SELENOI: variants seen among roughly 807,000 people sequenced by gnomAD.
SELENOI encodes the protein selenoprotein I.
SELENOI carries 24 observed loss-of-function variants against 50.7 expected under a neutral mutation model. The ratio of observed to expected loss-of-function variants is 0.47; its 90% CI spans 0.34 to 0.67. The LOEUF (loss-of-function observed/expected upper bound fraction) is 0.67, where lower values mean the gene tolerates loss of function less well. Ranked by LOEUF, SELENOI falls within the 30% of genes least tolerant of loss-of-function variation. SELENOI has a pLI of 0.01. For synonymous variants in SELENOI, 155 were observed against 170.2 expected, an observed-to-expected ratio of 0.91 and a Z score of 0.70; for missense variants, 352 against 461.4, an observed-to-expected ratio of 0.76 and a Z score of 2.17.
chr2:26,385,783 G>T (rs1978652), intron 8 of SELENOI, among the ~76,000 whole-genome samples: 1 of 152,132 alleles, frequency 6.6e-6, no homozygotes, highest in East Asian at 1.9e-4. Context: ...TGTTTGTAAC[G>T]TGTGTAATAT....
At chr2:26,349,200 C>T (rs7571808) in intron 1 of SELENOI, among the ~76,000 whole-genome samples, 2 of 150,742 alleles carry the variant, frequency 1.3e-5, no homozygotes, top group African/African-American at 2.4e-5. Context: ...TTTTTAGTAG[C>T]GGTGCATTTC....
rs544649269 is a variant in SELENOI at position 26,369,695 on chromosome 2, A to G, written c.310+2475A>G. Among the ~76,000 whole-genome samples, 27 of 152,276 alleles carry G rather than the reference A, an allele frequency of 1.8e-4. No homozygotes were observed. In the South Asian group the frequency reaches 5.4e-3, roughly 30 times the overall value. On this transcript the variant is annotated intron_variant, in intron 4 of 9. Transcript: ENST00000260585. The stretch of plus-strand genomic sequence containing the variant: ...GTGATTTCTCTATTCAGATACCTTT[A>G]GTAACTCCCCATATTCCCTACAACT...
rs1320061428 is a variant in SELENOI, at chr2:26,364,914, A to G, written c.209A>G (p.Tyr70Cys). The change falls in exon 3 of 10, where the codon TAC (tyrosine) becomes TGC (cysteine). Residue 70 changes from tyrosine to cysteine, a missense_variant. Coordinates refer to ENST00000260585, the MANE Select transcript of SELENOI (RefSeq NM_033505.4). ...GTATTCAATTTTCTGCTAATGGCATACTTTGATCCTGACTTTTATGCCTCA... is the reference window on the plus strand; with the variant it reads ...GTATTCAATTTTCTGCTAATGGCATGCTTTGATCCTGACTTTTATGCCTCA... ...LVVFNFLLMA[Y>C]FDPDFYASAP... The G allele has an allele frequency of 1.9e-6, 3 of 1,607,122 alleles. No homozygotes were observed. The highest frequency in any genetic ancestry group is 1.7e-6 in the Non-Finnish European group (2 of 1,176,914).
chr2:26,380,192 G>T (rs1006034784), intron 6 of SELENOI, among the ~76,000 whole-genome samples: 1 of 152,104 alleles, frequency 6.6e-6, no homozygotes, highest in East Asian at 1.9e-4. Flanking sequence ...ACAGAATGAG[G>T]TATATTCAAA....
chr2:26,385,420 T>C (rs1572338051), intron 8 of SELENOI, among the ~76,000 whole-genome samples: 1 of 152,204 alleles, frequency 6.6e-6, no homozygotes, highest in African/African-American at 2.4e-5. Flanking sequence ...GGAAAAAATT[T>C]ATAGATTCCC....
chr2:26,349,323 T>TTTTTG (rs1558409176), intron 1 of SELENOI, among the ~76,000 whole-genome samples: 1 of 119,692 alleles, frequency 8.4e-6, no homozygotes, highest in Non-Finnish European at 1.8e-5. Flanking sequence ...TTTTTTTTTT[T>TTTTTG]GAGATGGAGT....
chr2:26,367,580 A>G (rs912577809), intron 4 of SELENOI, among the ~76,000 whole-genome samples: 3 of 152,264 alleles, frequency 2.0e-5, no homozygotes, highest in African/African-American at 7.2e-5. Flanking sequence ...CAAAGACTGT[A>G]TGGCCTGCAA....
At chr2:26,373,270 G>A (rs966261681) in intron 4 of SELENOI, 97 bp from the exon 5 acceptor site, 30 of 1,385,190 alleles carry the variant, frequency 2.2e-5, no homozygotes, top group Non-Finnish European at 2.9e-5. Flanking sequence ...CCTGTGATAA[G>A]CTGATTTGTT....
intron 4 of SELENOI, among the ~76,000 whole-genome samples, chr2:26,369,509 AT>A (rs747861896): frequency 1.1e-4 from 17 of 152,102 alleles, no homozygotes; most frequent in Non-Finnish European, 2.1e-4. Flanking sequence ...CTTATCCCTC[AT>A]CTTTTGCGGC....
rs887411428 is a variant in SELENOI at position 26,373,070 on chromosome 2, G to A, written c.311-297G>A. 2.6e-5 allele frequency among the ~76,000 whole-genome samples: 4 copies of A among 152,176 alleles called. No homozygotes were observed. The East Asian group carries it at 7.7e-4, about 29-fold the overall frequency. Reference sequence around the variant, plus strand: ...TGCGTGGCTAATTTTTAAATTTTTTGTAAAGACAGAGTTTTGCTATGTTGC... The same window carrying A: ...TGCGTGGCTAATTTTTAAATTTTTTATAAAGACAGAGTTTTGCTATGTTGC... On this transcript the variant is annotated intron_variant, in intron 4 of 9. Transcript: ENST00000260585.
rs568872917 is a variant in SELENOI, at chr2:26,392,197, C to T, written c.*3094C>T. On this transcript the variant is annotated 3_prime_UTR_variant, in exon 10 of 10. Transcript: ENST00000260585. Reference sequence around the variant, plus strand: ...AAAGAGTATTGATTATGACCTGGAGCCTGAGCTTTGGGAGAATATACAAAG... The same window carrying T: ...AAAGAGTATTGATTATGACCTGGAGTCTGAGCTTTGGGAGAATATACAAAG... 2.0e-5 allele frequency: 3 copies of T among 152,014 alleles called. No homozygotes were observed. The highest frequency in any genetic ancestry group is 4.4e-5 in the Non-Finnish European group (3 of 68,022). 9.4% of individuals were successfully genotyped at this position (152,014 alleles called of 1,614,324 possible).
chr2:26,370,140 A>G (rs1677383501), intron 4 of SELENOI, among the ~76,000 whole-genome samples: 1 of 151,486 alleles, frequency 6.6e-6, no homozygotes, highest in Non-Finnish European at 1.5e-5. Flanking sequence ...CTCTGAGTGG[A>G]CACAGCACAT....
At chr2:26,370,300 T>C (rs1574757168) in intron 4 of SELENOI, among the ~76,000 whole-genome samples, 2 of 151,728 alleles carry the variant, frequency 1.3e-5, no homozygotes, top group South Asian at 2.1e-4. Flanking sequence ...CTCAATCTTT[T>C]CCCCACCTTT....
Position 26,394,229 on chromosome 2 carries a change from A to G in SELENOI, c.*5126A>G, listed in dbSNP as rs906269234. 6.6e-6 allele frequency: 1 copy of G among 152,158 alleles called. No individual in the cohort carries two copies. Among genetic ancestry groups the G allele is most frequent in the Non-Finnish European group, 1.5e-5 (1 of 68,052 alleles). 9.4% of individuals were successfully genotyped at this position (152,158 alleles called of 1,614,324 possible). On this transcript the variant is annotated 3_prime_UTR_variant, in exon 10 of 10. Transcript: ENST00000260585. The surrounding 1 kb of genome is among the most constrained non-coding windows in gnomAD (Gnocchi z 4.1). ...AACATGGCGAAACCCCGTCTGTAAT[A>G]AAAATACAAAAAAATTAGCTGGGCA...
At position 26,389,034 on chromosome 2, in the gene SELENOI, T is replaced by C; in HGVS notation, c.1125T>C (p.Ile375=). ...AGCAGCTGAGCAGCCATTTTCAGAT[T>C]TACCCCTTCTCATTGAGGAAACCAA... is the stretch of plus-strand genomic sequence containing the variant. ...VVKQLSSHFQ[I]YPFSLRKPNS... The change falls in exon 10 of 10, where the codon ATT becomes ATC. Residue 375 remains isoleucine, a synonymous_variant. Coordinates refer to ENST00000260585, the MANE Select transcript of SELENOI (RefSeq NM_033505.4). The C allele has an allele frequency of 6.3e-7, 1 of 1,590,022 alleles. No homozygotes were observed. The highest frequency in any genetic ancestry group is 8.6e-7 in the Non-Finnish European group (1 of 1,166,886).
intron 2 of SELENOI, 124 bp downstream of exon 2, chr2:26,364,494 C>A: frequency 1.5e-6 from 1 of 646,612 alleles, no homozygotes; most frequent in Non-Finnish European, 2.7e-6. Flanking sequence ...CACCCTTCCC[C>A]AATCACAATA....
rs869073468 is a variant in SELENOI, at chr2:26,348,996, C to CTTTTTTTTTTTTTTTTTTTTTTTTTTTT, written c.57+2715_57+2742dup. ...CTACCCATCCTTTGTTTTGGACAGG[C>CTTTTTTTTTTTTTTTTTTTTTTTTTTTT]TTTTTTTTTTTTTTTTTTTTTTTTT... On this transcript the variant is annotated intron_variant, in intron 1 of 9. Coordinates refer to ENST00000260585, the MANE Select transcript of SELENOI (RefSeq NM_033505.4). 3.5e-5 allele frequency among the ~76,000 whole-genome samples: 2 copies of CTTTTTTTTTTTTTTTTTTTTTTTTTTTT among 57,722 alleles called. 1 individual carries two copies. The highest frequency in any genetic ancestry group is 7.2e-5 in the Non-Finnish European group (2 of 27,880). The allele number at this position is 57,722 out of a possible 152,430, so 37.9% of individuals were successfully genotyped here. A position where few individuals can be genotyped will look rare whatever the true frequency, so the allele number is the denominator to read the frequency against.
At chr2:26,375,435 G>T (rs941440211) in intron 6 of SELENOI, among the ~76,000 whole-genome samples, 1 of 152,176 alleles carries the variant, frequency 6.6e-6, no homozygotes, top group African/African-American at 2.4e-5. Flanking sequence ...CTGTATTGGA[G>T]GGTCCACATT....
intron 4 of SELENOI, 56 bp downstream of exon 4, chr2:26,367,276 G>A: frequency 7.5e-7 from 1 of 1,337,046 alleles, no homozygotes; most frequent in South Asian, 1.3e-5. Flanking sequence ...AGCAAGGATA[G>A]CCACGTATTA....
Sources: allele counts gnomAD v4.1 joint callset (sites outside exome capture counted in the v4.1 genomes callset), GRCh38; gene constraint gnomAD v4.1.1; non-coding constraint Gnocchi (gnomAD v3.1); transcripts MANE v1.5; gene names NCBI Gene and HGNC (gene_info 2026-07-23, HGNC 2026-07-21).